TDRD9: variants seen among roughly 807,000 people sequenced by gnomAD.
The protein encoded by TDRD9 is ATP-dependent RNA helicase TDRD9.
A neutral mutation model predicts 172.6 loss-of-function variants in TDRD9; 124 were observed. The observed-to-expected ratio is 0.72, with a 90% CI of 0.62 to 0.83. TDRD9 has a LOEUF of 0.83. TDRD9 is among the 40% of genes least tolerant of loss of function. The pLI, the probability that TDRD9 is intolerant of heterozygous loss-of-function variation, is 0.00. For synonymous variants in TDRD9, 619 were observed against 617.1 expected (o/e 1.00, Z -0.05); for missense variants, 1,479 against 1,714.1 (o/e 0.86, Z 2.42).
intron 30 of TDRD9, 21 bp from the exon 31 acceptor site, chr14:104,033,939 C>T: frequency 6.7e-7 from 1 of 1,484,214 alleles, no homozygotes; most frequent in South Asian, 1.2e-5. Flanking sequence ...CACCCCATCT[C>T]CTGGTGCTCC....
chr14:104,018,989 G>A (rs1225901805), intron 23 of TDRD9, among the ~76,000 whole-genome samples: 1 of 152,110 alleles, frequency 6.6e-6, no homozygotes, highest in Non-Finnish European at 1.5e-5. Flanking sequence ...GCTTCATGAG[G>A]CAAACACACA....
intron 13 of TDRD9, among the ~76,000 whole-genome samples, chr14:104,001,517 T>C (rs2034260983): frequency 6.6e-6 from 1 of 152,216 alleles, no homozygotes; most frequent in Admixed American, 6.5e-5. Flanking sequence ...TGAATATTCA[T>C]GTACAGGTTT....
chr14:104,024,946 TA>T (rs2035070230), intron 25 of TDRD9, among the ~76,000 whole-genome samples: 1 of 152,214 alleles, frequency 6.6e-6, no homozygotes. Context: ...AATGCTGAAA[TA>T]AATCAGATTT....
intron 3 of TDRD9, among the ~76,000 whole-genome samples, chr14:103,963,567 G>A (rs768964732): frequency 3.9e-5 from 6 of 152,116 alleles, no homozygotes; most frequent in African/African-American, 1.2e-4. Context: ...TTTCCACTGG[G>A]TTTTCTTTAC....
chr14:103,998,763 A>G, intron 13 of TDRD9, 35 bp downstream of exon 13: 1 of 1,075,514 alleles, frequency 9.3e-7, no homozygotes, highest in Non-Finnish European at 1.4e-6. Flanking sequence ...ATAATGAGTC[A>G]TTGGTGACAC....
chr14:104,017,273 G>A (rs2034822648), intron 22 of TDRD9, among the ~76,000 whole-genome samples: 1 of 151,890 alleles, frequency 6.6e-6, no homozygotes, highest in South Asian at 2.1e-4. Context: ...TACCTAGTGT[G>A]TACATCATAA....
At chr14:103,986,389 C>A in intron 8 of TDRD9, 69 bp downstream of exon 8, 1 of 1,168,158 alleles carries the variant, frequency 8.6e-7, no homozygotes, top group Non-Finnish European at 1.2e-6. Context: ...CATTTGGAAA[C>A]GTTTTAGTGT....
chr14:104,002,349 T>C (rs1488753996), intron 13 of TDRD9, among the ~76,000 whole-genome samples: 1 of 151,344 alleles, frequency 6.6e-6, no homozygotes, highest in Non-Finnish European at 1.5e-5. Flanking sequence ...AAAAAAATTT[T>C]AGACAAATTA....
At chr14:104,016,143 T>C (rs1467136118) in intron 22 of TDRD9, 55 bp downstream of exon 22, 31 of 1,232,036 alleles carry the variant, frequency 2.5e-5, no homozygotes, top group Non-Finnish European at 3.6e-5. Context: ...AGAACATTTT[T>C]GTTCTCTAAT....
rs756769952 is a variant in TDRD9, at chr14:103,986,182, T to C, written c.1012-35T>C. Reference sequence around the variant, plus strand: ...GCCAGGTTTCTTCTGTAATCCTGTTTTCGTATTGCGACTTTTTTCTTTCAC... The same window carrying C: ...GCCAGGTTTCTTCTGTAATCCTGTTCTCGTATTGCGACTTTTTTCTTTCAC... On this transcript the variant is annotated intron_variant, in intron 7 of 35. Coordinates refer to ENST00000409874, the MANE Select transcript of TDRD9 (RefSeq NM_153046.3). 5.2e-6 allele frequency: 8 copies of C among 1,549,164 alleles called. No individual in the cohort carries two copies. The East Asian group carries it at 1.8e-4, about 35-fold the overall frequency.
At chr14:103,939,009 A>G (rs1048233810) in intron 1 of TDRD9, among the ~76,000 whole-genome samples, 32 of 152,228 alleles carry the variant, frequency 2.1e-4, no homozygotes, top group African/African-American at 7.7e-4. Context: ...TGGGTGGAAA[A>G]TTAATTAATT....
intron 12 of TDRD9, 49 bp downstream of exon 12, chr14:103,995,856 T>A (rs373513386): frequency 2.0e-6 from 3 of 1,474,824 alleles, no homozygotes; most frequent in African/African-American, 2.8e-5. Flanking sequence ...AGTGCCATAT[T>A]TATTGGCTTA....
chr14:103,980,220 CT>C lies in TDRD9; in HGVS notation c.1011+4668del, dbSNP rs1053070919. Among the ~76,000 whole-genome samples the C allele has an allele frequency of 2.6e-5, 4 of 152,202 alleles. No homozygotes were observed. The highest frequency in any genetic ancestry group is 9.6e-5 in the African/African-American group (4 of 41,526). ...GAGATAAAAGAAAAGACAGCTGGGC[CT>C]GGGGGACCACTACCACCAAGACGCA... On this transcript the variant is annotated intron_variant, in intron 7 of 35. Transcript: ENST00000409874. This position sits in a 1 kb window ranked among gnomAD's most constrained non-coding sequence, Gnocchi z 4.5.
chr14:104,007,449 T>C (rs563403418), intron 19 of TDRD9, among the ~76,000 whole-genome samples: 64 of 152,292 alleles, frequency 4.2e-4, no homozygotes, highest in African/African-American at 1.1e-3. Flanking sequence ...CTGTGCTGCT[T>C]GTTTCATGGC....
chr14:103,970,183 A>T (rs58557120), intron 5 of TDRD9, among the ~76,000 whole-genome samples: 4,344 of 152,118 alleles, frequency 0.029, 129 homozygotes, highest in African/African-American at 0.075. Flanking sequence ...GGGCCATGGG[A>T]GGCTGGCCCA....
chr14:104,044,466 G>A (rs530710940), intron 34 of TDRD9, among the ~76,000 whole-genome samples: 2 of 152,230 alleles, frequency 1.3e-5, no homozygotes, highest in African/African-American at 4.8e-5. Flanking sequence ...CCATTTACAC[G>A]CAGTCTTGTT....
chr14:103,952,733 T>TTC (rs1175877719), intron 1 of TDRD9, among the ~76,000 whole-genome samples: 5 of 124,116 alleles, frequency 4.0e-5, no homozygotes, highest in African/African-American at 1.2e-4. Context: ...CTCTCTCTTT[T>TTC]TTTTTTTTTT....
chr14:103,936,544 G>C (rs1314866776), intron 1 of TDRD9, among the ~76,000 whole-genome samples: 1 of 152,216 alleles, frequency 6.6e-6, no homozygotes, highest in Non-Finnish European at 1.5e-5. Context: ...GAGTGTATCA[G>C]AGTGTGTATA....
At position 103,933,321 on chromosome 14, in the gene TDRD9, C is replaced by T. The variant is rs560219138; in HGVS notation, c.215+4597C>T. Among the ~76,000 whole-genome samples, 5 of 152,314 alleles carry T rather than the reference C, an allele frequency of 3.3e-5. No homozygotes were observed. In the South Asian group the frequency reaches 8.3e-4, roughly 25 times the overall value. Reference sequence around the variant, plus strand: ...GCCTTGCGTCACTCCCAGCTTCCTTCTGCCTTGTGTTTCTTTGTGCTTTCT... The same window carrying T: ...GCCTTGCGTCACTCCCAGCTTCCTTTTGCCTTGTGTTTCTTTGTGCTTTCT... On this transcript the variant is annotated intron_variant, in intron 1 of 35. Coordinates refer to ENST00000409874, the MANE Select transcript of TDRD9 (RefSeq NM_153046.3).
Sources: allele counts gnomAD v4.1 joint callset (sites outside exome capture counted in the v4.1 genomes callset), GRCh38; gene constraint gnomAD v4.1.1; non-coding constraint Gnocchi (gnomAD v3.1); transcripts MANE v1.5; gene names NCBI Gene and HGNC (gene_info 2026-07-23, HGNC 2026-07-21).